VEZT: variants seen among roughly 807,000 people sequenced by gnomAD.
VEZT encodes vezatin.
VEZT carries 39 observed loss-of-function variants against 79.9 expected under a neutral mutation model. The ratio of observed to expected loss-of-function variants is 0.49; its 90% confidence interval spans 0.38 to 0.64. The LOEUF (loss-of-function observed/expected upper bound fraction) is 0.64, where lower values mean the gene tolerates loss of function less well. VEZT is among the 30% of genes least tolerant of loss of function. The pLI is 0.00. For missense variants in VEZT, 837 were observed against 893.1 expected (o/e 0.94, Z 0.80); for synonymous variants, 325 against 327.6 (o/e 0.99, Z 0.09).
intron 3 of VEZT, chr12:95,258,113 G>T: frequency 1.3e-5 from 5 of 381,702 alleles, no homozygotes; most frequent in Non-Finnish European, 2.7e-5. Flanking sequence ...ATTATTTTTT[G>T]GCTGACTAAA....
chr12:95,294,176 C>T, intron 9 of VEZT, 96 bp from the exon 10 acceptor site: 1 of 1,026,280 alleles, frequency 9.7e-7, no homozygotes, highest in Admixed American at 2.2e-5. Context: ...CATGAGCCAC[C>T]ACACCTGGCC....
chr12:95,288,219 G>A (rs2071496176), intron 9 of VEZT, among the ~76,000 whole-genome samples: 2 of 152,024 alleles, frequency 1.3e-5, no homozygotes. Flanking sequence ...AGGAACTTGA[G>A]TTTTTCTTTT....
chr12:95,270,374 A>T (rs934895348), intron 6 of VEZT, among the ~76,000 whole-genome samples, 186 bp downstream of exon 6: 3 of 152,218 alleles, frequency 2.0e-5, no homozygotes, highest in Admixed American at 1.3e-4. Flanking sequence ...ACAGACAGGA[A>T]GAAAGTTCTG....
chr12:95,235,639 C>A (rs1268953406), intron 1 of VEZT, among the ~76,000 whole-genome samples: 1 of 144,112 alleles, frequency 6.9e-6, no homozygotes, highest in Non-Finnish European at 1.5e-5. Flanking sequence ...CCCCTCACCT[C>A]CCGGATGGGG....
chr12:95,299,669 T>C (rs574946205), intron 11 of VEZT: 3 of 152,344 alleles, frequency 2.0e-5, no homozygotes, highest in Admixed American at 2.0e-4. Context: ...CTTTAAGCCT[T>C]TTATCTGATG....
intron 2 of VEZT, among the ~76,000 whole-genome samples, chr12:95,255,974 G>A (rs773237856): frequency 1.3e-5 from 2 of 151,936 alleles, no homozygotes; most frequent in Non-Finnish European, 2.9e-5. Flanking sequence ...GGTCATAACT[G>A]TCCTGGAGTG....
At chr12:95,272,866 A>G (rs2066903901) in intron 6 of VEZT, among the ~76,000 whole-genome samples, 2 of 152,166 alleles carry the variant, frequency 1.3e-5, no homozygotes, top group African/African-American at 4.8e-5. Context: ...CTCCTGCCTT[A>G]GCCTTCCGAG....
chr12:95,281,670 G>A (rs1021111357), intron 7 of VEZT, among the ~76,000 whole-genome samples: 7 of 151,596 alleles, frequency 4.6e-5, no homozygotes, highest in South Asian at 2.1e-4. Context: ...CTCGGCCTCC[G>A]AAGTAGCTGA....
rs201186322 is a variant in VEZT at position 95,219,450 on chromosome 12, AT to A, written c.36+1570del. On this transcript the variant is annotated intron_variant, in intron 1 of 11. Coordinates refer to ENST00000436874, the MANE Select transcript of VEZT (RefSeq NM_017599.4). ...TATTAAGACACAATGTGTGTGTGAT[AT>A]TTTTTAAAACAAAAGGTATACCACG... Among the ~76,000 whole-genome samples the A allele has an allele frequency of 3.2e-3, 492 of 152,258 alleles. 2 individuals are homozygous for A. Among genetic ancestry groups the A allele is most frequent in the African/African-American group, 0.01 (420 of 41,562 alleles).
At chr12:95,282,716 T>A in intron 8 of VEZT, 72 bp downstream of exon 8, 1 of 1,346,926 alleles carries the variant, frequency 7.4e-7, no homozygotes, top group Non-Finnish European at 1.0e-6. Context: ...TTGTGGTTGT[T>A]GGCTTGTGTC....
At chr12:95,292,295 G>A (rs762080576) in intron 9 of VEZT, among the ~76,000 whole-genome samples, 3 of 152,162 alleles carry the variant, frequency 2.0e-5, no homozygotes, top group Non-Finnish European at 4.4e-5. Flanking sequence ...GAGCTGGATT[G>A]CCAGCACACT....
intron 4 of VEZT, chr12:95,263,725 G>A (rs975160717): frequency 6.6e-6 from 1 of 152,014 alleles, no homozygotes; most frequent in Admixed American, 6.6e-5. Flanking sequence ...AACCTTCTTT[G>A]TGTTTCTTTA....
chr12:95,299,522 T>C (rs566839499), intron 11 of VEZT: 1 of 152,306 alleles, frequency 6.6e-6, no homozygotes, highest in Non-Finnish European at 1.5e-5. Context: ...TGTGTAGAAG[T>C]TATGGCTTTT....
chr12:95,259,191 G>GTTTT (rs71078691), intron 3 of VEZT, among the ~76,000 whole-genome samples: 33,893 of 147,388 alleles, frequency 0.23, 4,368 homozygotes, highest in African/African-American at 0.36. Flanking sequence ...AATACTTTCT[G>GTTTT]TTTTTTTTTT....
chr12:95,300,194 C>T lies in VEZT; in HGVS notation c.1861C>T (p.Pro621Ser). Residue 621 changes from proline (P) to serine (S), a missense_variant, in exon 12 of 12, where the codon CCA (proline) becomes TCA (serine). Physicochemically the swap from Pro to Ser is moderately conservative, Grantham distance 74. Transcript: ENST00000436874. ...GTTGAAATCCTTGTCTCCTGTAGAC[C>T]CAGTGGAACCCATAAGTAATTCAGA... ...AVLKSLSPVD[P>S]VEPISNSEPS... The T allele has an allele frequency of 6.5e-7, 1 of 1,538,966 alleles. No individual in the cohort carries two copies. The highest frequency in any genetic ancestry group is 8.8e-7 in the Non-Finnish European group (1 of 1,142,234).
At chr12:95,230,990 G>T (rs2059199616) in intron 1 of VEZT, among the ~76,000 whole-genome samples, 2 of 152,016 alleles carry the variant, frequency 1.3e-5, no homozygotes, top group African/African-American at 4.8e-5. Flanking sequence ...TCTTCTGATG[G>T]GTATGTTTGA....
intron 7 of VEZT, chr12:95,275,969 G>T (rs1429779433): frequency 6.6e-6 from 1 of 151,982 alleles, no homozygotes; most frequent in African/African-American, 2.4e-5. Context: ...ATAATAAGCC[G>T]ACCATTTTGC....
intron 1 of VEZT, chr12:95,244,112 C>T: frequency 2.5e-6 from 1 of 399,952 alleles, no homozygotes; most frequent in Non-Finnish European, 4.9e-6. Flanking sequence ...CAAGATAACT[C>T]TGGCCAGGCA....
rs1339486349 is a variant in VEZT at position 95,300,490 on chromosome 12, G to A, written c.2157G>A (p.Gln719=). Residue 719 remains glutamine (Q), a synonymous_variant, in exon 12 of 12, where the codon CAG becomes CAA. Coordinates refer to ENST00000436874, the MANE Select transcript of VEZT (RefSeq NM_017599.4). ...TAPPTPRDSL[Q]PSIKQRLARL... ...CTCCAACTCCCAGGGACTCATTACA[G>A]CCCTCCATTAAGCAGAGGCTGGCAC... 2 of 1,613,958 alleles carry A rather than the reference G, an allele frequency of 1.2e-6. No individual in the cohort carries two copies. The highest frequency in any genetic ancestry group is 1.7e-6 in the Non-Finnish European group (2 of 1,179,894).
Sources: gnomAD v4.1 joint callset for allele counts (sites outside exome capture counted in the v4.1 genomes callset) on GRCh38, gnomAD v4.1.1 for gene constraint, MANE v1.5 for transcripts, NCBI Gene and HGNC (gene_info 2026-07-23, HGNC 2026-07-21) for gene names.